Variants in EHMT1 observed in about 807,000 individuals in gnomAD.
EHMT1 encodes histone-lysine N-methyltransferase EHMT1.
In EHMT1, 15 loss-of-function variants were observed where a neutral mutation model predicts 147.2. That is an observed-to-expected ratio of 0.10 (90% CI 0.07 to 0.16). EHMT1 has a LOEUF of 0.16. Among genes scored for constraint, EHMT1 ranks in the 10% least tolerant of loss-of-function variants. EHMT1 has a pLI of 1.00. For missense variants in EHMT1, 1,587 were observed against 1,772.4 expected (o/e 0.90, Z 1.88); for synonymous variants, 795 against 709.6 (o/e 1.12, Z -1.91).
chr9:137,728,756 C>T (rs1349756473), intron 4 of EHMT1, among the ~76,000 whole-genome samples: 10 of 152,202 alleles, frequency 6.6e-5, no homozygotes, highest in Admixed American at 5.2e-4. Flanking sequence ...TGTTAACATT[C>T]TCAAGATGAA....
At chr9:137,634,600 C>T (rs1053838889) in intron 1 of EHMT1, among the ~76,000 whole-genome samples, 4 of 150,908 alleles carry the variant, frequency 2.7e-5, no homozygotes, top group Admixed American at 6.6e-5. Flanking sequence ...GGGTCCCTTG[C>T]ATTTTCTTTC....
intron 23 of EHMT1, chr9:137,817,171 A>G (rs1348334232): frequency 1.7e-5 from 9 of 539,656 alleles, no homozygotes; most frequent in African/African-American, 7.6e-5. Context: ...CTCTGTCCCC[A>G]TGTTACAGAT....
chr9:137,741,299 GAA>G (rs1948058385), intron 4 of EHMT1, among the ~76,000 whole-genome samples: 1 of 152,260 alleles, frequency 6.6e-6, no homozygotes, highest in Admixed American at 6.5e-5. Context: ...TTAAGCACAT[GAA>G]ATGCAGGGTT....
intron 18 of EHMT1, 100 bp downstream of exon 18, chr9:137,801,084 T>G (rs1953441544): frequency 2.8e-6 from 3 of 1,076,562 alleles, no homozygotes; most frequent in Non-Finnish European, 2.8e-6. Context: ...TGGCACCTGG[T>G]GGCGGCTTTG....
chr9:137,658,174 T>C (rs1393566746), intron 1 of EHMT1, among the ~76,000 whole-genome samples: 2 of 152,182 alleles, frequency 1.3e-5, no homozygotes, highest in Admixed American at 6.5e-5. Flanking sequence ...TTTTCTCCAT[T>C]TGGTCTCACT....
At chr9:137,619,173 C>CCCGCCG (rs926183718) in intron 1 of EHMT1, 124 bp downstream of exon 1, 28 of 161,240 alleles carry the variant, frequency 1.7e-4, no homozygotes, top group African/African-American at 6.5e-4. Context: ...CCCGGGTCCC[C>CCCGCCG]CCGCCGCCGC....
At chr9:137,681,003 A>G (rs1462885565) in intron 1 of EHMT1, 1 of 152,198 alleles carries the variant, frequency 6.6e-6, no homozygotes, top group Non-Finnish European at 1.5e-5. Context: ...AGACCCCGAA[A>G]GTGCTATTTT....
intron 25 of EHMT1, among the ~76,000 whole-genome samples, chr9:137,822,139 A>C (rs979817932): frequency 1.3e-5 from 2 of 152,032 alleles, no homozygotes; most frequent in African/African-American, 4.8e-5. Context: ...ACCTGCATTC[A>C]CATTTTCTAT....
chr9:137,733,614 G>T (rs1188776775), intron 4 of EHMT1, among the ~76,000 whole-genome samples: 1 of 152,192 alleles, frequency 6.6e-6, no homozygotes, highest in African/African-American at 2.4e-5. Context: ...AACAGTGTGC[G>T]TGCAGCTTGT....
In EHMT1 at chr9:137,744,034, A is replaced by G; in HGVS notation, c.1114A>G (p.Thr372Ala). ...TGCAGAGCAGGCGGCCGCGTTCCCC[A>G]CAGAGGACAGCAGGACTTCCAAGGA... ...HGAEQAAAFPTEDSRTSKESM... is the reference protein window; with the variant it reads ...HGAEQAAAFPAEDSRTSKESM... Residue 372 changes from threonine to alanine, a missense_variant, in exon 6 of 27, where the codon ACA becomes GCA. Physicochemically the swap from Thr to Ala is moderately conservative, Grantham distance 58. Coordinates refer to ENST00000460843, the MANE Select transcript of EHMT1 (RefSeq NM_024757.5). 3 of 1,614,132 alleles carry G rather than the reference A, an allele frequency of 1.9e-6. No individual in the cohort carries two copies. The highest frequency in any genetic ancestry group is 2.2e-5 in the South Asian group (2 of 91,082).
chr9:137,812,752 T>G (rs761125968), intron 19 of EHMT1, among the ~76,000 whole-genome samples: 12 of 152,192 alleles, frequency 7.9e-5, no homozygotes, highest in Non-Finnish European at 1.8e-4. Flanking sequence ...CGCCCTGGAT[T>G]TTACACTCTT....
intron 2 of EHMT1, among the ~76,000 whole-genome samples, chr9:137,712,790 C>CTG (rs1435796313): frequency 2.0e-5 from 3 of 152,100 alleles, no homozygotes; most frequent in Non-Finnish European, 4.4e-5. Context: ...TCCGACTTAC[C>CTG]TGTTTTTTTC....
chr9:137,753,805 T>G (rs1329292987), intron 7 of EHMT1, among the ~76,000 whole-genome samples: 1 of 152,228 alleles, frequency 6.6e-6, no homozygotes, highest in Non-Finnish European at 1.5e-5. Flanking sequence ...AAGCCGAGCG[T>G]TGATTGTCCC....
chr9:137,682,111 G>A (rs955086496), intron 1 of EHMT1, among the ~76,000 whole-genome samples: 2 of 151,746 alleles, frequency 1.3e-5, no homozygotes, highest in South Asian at 2.1e-4. Context: ...CACCACGCCC[G>A]CTCATTTTTT....
intron 4 of EHMT1, among the ~76,000 whole-genome samples, chr9:137,736,207 A>T (rs1223539652): frequency 6.6e-6 from 1 of 152,256 alleles, no homozygotes; most frequent in Non-Finnish European, 1.5e-5. Context: ...AAAAAAGGTT[A>T]CAAGAGACTA....
intron 1 of EHMT1, among the ~76,000 whole-genome samples, chr9:137,690,650 A>G (rs940275607): frequency 9.9e-5 from 15 of 151,974 alleles, no homozygotes; most frequent in Admixed American, 2.6e-4. Context: ...GCTCACTGCA[A>G]CCTCTGCCTC....
intron 15 of EHMT1, chr9:137,784,081 A>G (rs1239277360): frequency 4.3e-6 from 5 of 1,173,110 alleles, no homozygotes; most frequent in African/African-American, 3.1e-5. Flanking sequence ...GTCATTTATA[A>G]AGAAAAGAAA....
intron 1 of EHMT1, among the ~76,000 whole-genome samples, chr9:137,698,810 C>T (rs1421855179): frequency 6.6e-6 from 1 of 151,882 alleles, no homozygotes; most frequent in Non-Finnish European, 1.5e-5. Flanking sequence ...ATGGGCTTGT[C>T]TTTGAATAAT....
chr9:137,781,986 G>A (rs1448927522), intron 14 of EHMT1, among the ~76,000 whole-genome samples: 3 of 152,166 alleles, frequency 2.0e-5, no homozygotes, highest in East Asian at 1.9e-4. Flanking sequence ...GGCCTGGGGC[G>A]GCCATGGCCA....
Sources: gnomAD v4.1 joint callset for allele counts (sites outside exome capture counted in the v4.1 genomes callset) on GRCh38, gnomAD v4.1.1 for gene constraint, MANE v1.5 for transcripts, NCBI Gene and HGNC (gene_info 2026-07-23, HGNC 2026-07-21) for gene names.